ADAMTSL1: variants seen among roughly 807,000 people sequenced by gnomAD.
The protein encoded by ADAMTSL1 is ADAMTS-like protein 1.
ADAMTSL1 carries 126 observed loss-of-function variants against 201.8 expected under a neutral mutation model. The observed-to-expected ratio is 0.62, with a 90% confidence interval of 0.54 to 0.72. ADAMTSL1 has a LOEUF of 0.72. Ranked by LOEUF, ADAMTSL1 falls within the 30% of genes least tolerant of loss-of-function variation. ADAMTSL1 has a pLI of 0.00. For synonymous variants in ADAMTSL1, 1,121 were observed against 903.4 expected (o/e 1.24, Z -4.32); for missense variants, 2,679 against 2,277.8 (o/e 1.18, Z -3.59).
chr9:17,914,357 C>T (rs543700440), intron 1 of ADAMTSL1, among the ~76,000 whole-genome samples: 160 of 152,290 alleles, frequency 1.1e-3, no homozygotes, highest in African/African-American at 3.7e-3. Flanking sequence ...GGATGCAAGG[C>T]TGGTTCAATA....
chr9:18,884,353 CTCAT>C (rs1333907813), intron 23 of ADAMTSL1, among the ~76,000 whole-genome samples: 1 of 152,144 alleles, frequency 6.6e-6, no homozygotes, highest in Admixed American at 6.6e-5. Flanking sequence ...AATATTTTCT[CTCAT>C]TCTGTGAGTT....
intron 1 of ADAMTSL1, among the ~76,000 whole-genome samples, chr9:18,137,922 A>G (rs1826226351): frequency 6.6e-6 from 1 of 152,142 alleles, no homozygotes; most frequent in Admixed American, 6.5e-5. Context: ...AAATCTTGCT[A>G]GGGAGAGTTA....
chr9:18,534,914 C>G (rs115109547), intron 3 of ADAMTSL1, among the ~76,000 whole-genome samples: 3,932 of 152,272 alleles, frequency 0.026, 183 homozygotes, highest in African/African-American at 0.09. Flanking sequence ...AGACCTGGTC[C>G]AGGAAACCAT....
At chr9:17,918,904 C>T (rs1588414294) in intron 1 of ADAMTSL1, among the ~76,000 whole-genome samples, 1 of 151,928 alleles carries the variant, frequency 6.6e-6, no homozygotes, top group Non-Finnish European at 1.5e-5. Context: ...GGTGAGTTGA[C>T]CCTTTATTAT....
intron 16 of ADAMTSL1, among the ~76,000 whole-genome samples, chr9:18,757,562 C>G (rs151089783): frequency 0.018 from 2,752 of 152,180 alleles, 36 homozygotes; most frequent in South Asian, 0.044. Context: ...AGGCATGGCT[C>G]TCCCATCCCT....
At chr9:18,837,724 C>A (rs963988184) in intron 23 of ADAMTSL1, among the ~76,000 whole-genome samples, 1 of 152,194 alleles carries the variant, frequency 6.6e-6, no homozygotes, top group Non-Finnish European at 1.5e-5. Flanking sequence ...CCCAAGTGTT[C>A]TGTGGCTGCT....
intron 3 of ADAMTSL1, among the ~76,000 whole-genome samples, chr9:18,552,080 C>G (rs1485150444): frequency 6.6e-6 from 1 of 151,642 alleles, no homozygotes; most frequent in Non-Finnish European, 1.5e-5. Context: ...CTTTGTTGAG[C>G]CTATGGTTTT....
At chr9:18,640,218 C>T (rs528185939) in intron 7 of ADAMTSL1, among the ~76,000 whole-genome samples, 4 of 152,104 alleles carry the variant, frequency 2.6e-5, no homozygotes, top group Admixed American at 6.6e-5. Context: ...TACTGTCCTC[C>T]GTCTCCATCT....
chr9:18,044,005 C>T (rs899876088), intron 1 of ADAMTSL1, among the ~76,000 whole-genome samples: 3 of 147,390 alleles, frequency 2.0e-5, no homozygotes, highest in Non-Finnish European at 3.0e-5. Flanking sequence ...TAGTATGTTA[C>T]TTTCTATCAT....
chr9:18,503,579 A>C (rs1433843093), intron 1 of ADAMTSL1, among the ~76,000 whole-genome samples: 1 of 151,860 alleles, frequency 6.6e-6, no homozygotes, highest in Non-Finnish European at 1.5e-5. Context: ...TATTATCTCC[A>C]TCTTATGATA....
intron 23 of ADAMTSL1, among the ~76,000 whole-genome samples, chr9:18,869,213 G>A (rs1243175206): frequency 1.3e-5 from 2 of 152,176 alleles, no homozygotes; most frequent in Non-Finnish European, 2.9e-5. Context: ...CTCAAATGGA[G>A]CCAACCTTGC....
At chr9:18,178,499 GA>G (rs1828285832) in intron 2 of ADAMTSL1, among the ~76,000 whole-genome samples, 1 of 152,136 alleles carries the variant, frequency 6.6e-6, no homozygotes, top group African/African-American at 2.4e-5. Context: ...AAGCAGCCGG[GA>G]AGCTCGAACT....
intron 2 of ADAMTSL1, among the ~76,000 whole-genome samples, chr9:18,235,494 C>T (rs995083446): frequency 1.3e-5 from 2 of 152,172 alleles, no homozygotes; most frequent in African/African-American, 4.8e-5. Context: ...TCTTTGATTT[C>T]CTTTATATGC....
intron 4 of ADAMTSL1, among the ~76,000 whole-genome samples, chr9:18,577,092 C>A (rs561876966): frequency 6.6e-6 from 1 of 152,162 alleles, no homozygotes; most frequent in Non-Finnish European, 1.5e-5. Context: ...TCCAGAAATT[C>A]AGATTTATTA....
At chr9:17,992,840 C>G (rs1819216209) in intron 1 of ADAMTSL1, among the ~76,000 whole-genome samples, 1 of 152,112 alleles carries the variant, frequency 6.6e-6, no homozygotes, top group South Asian at 2.1e-4. Flanking sequence ...AGATTCAAAC[C>G]CAGGTTTCTG....
At chr9:17,929,383 A>C (rs1160354754) in intron 1 of ADAMTSL1, among the ~76,000 whole-genome samples, 1 of 151,866 alleles carries the variant, frequency 6.6e-6, no homozygotes, top group African/African-American at 2.4e-5. Flanking sequence ...TCGTATCCCT[A>C]AGAACCAATT....
chr9:17,977,851 A>C (rs984670469), intron 1 of ADAMTSL1, among the ~76,000 whole-genome samples: 3 of 152,078 alleles, frequency 2.0e-5, no homozygotes, highest in Non-Finnish European at 4.4e-5. Context: ...ATTTGGTCTA[A>C]AGCATAGTTC....
intron 19 of ADAMTSL1, among the ~76,000 whole-genome samples, chr9:18,786,366 T>C (rs916852536): frequency 4.6e-5 from 7 of 152,216 alleles, no homozygotes; most frequent in African/African-American, 1.7e-4. Flanking sequence ...CCCACGGTGG[T>C]AGGAGACAGT....
chr9:18,320,066 A>C, intron 2 of ADAMTSL1, among the ~76,000 whole-genome samples: 1 of 152,060 alleles, frequency 6.6e-6, no homozygotes, highest in African/African-American at 2.4e-5. Context: ...TCTGACAGCC[A>C]GCAAGGAGAC....
Sources: gnomAD v4.1 joint callset for allele counts (sites outside exome capture counted in the v4.1 genomes callset) on GRCh38, gnomAD v4.1.1 for gene constraint, MANE v1.5 for transcripts, NCBI Gene and HGNC (gene_info 2026-07-23, HGNC 2026-07-21) for gene names.